The following TMEM26 variants were observed in gnomAD, a reference collection of about 807,000 sequenced individuals.
The protein encoded by TMEM26 is transmembrane protein 26.
In TMEM26, 38 loss-of-function variants were observed where a neutral mutation model predicts 28.8. That is an observed-to-expected ratio of 1.32 (90% CI 1.02 to 1.73). TMEM26 has a LOEUF of 1.73. TMEM26 is among the 40% of genes most tolerant of loss of function. The pLI, the probability that TMEM26 is intolerant of heterozygous loss-of-function variation, is 0.00. For missense variants in TMEM26, 518 were observed against 447.1 expected, an observed-to-expected ratio of 1.16 and a Z score of -1.43; for synonymous variants, 227 against 182.9, an observed-to-expected ratio of 1.24 and a Z score of -1.95.
chr10:61,447,196 A>G (rs1321235028), intron 1 of TMEM26, among the ~76,000 whole-genome samples: 1 of 152,208 alleles, frequency 6.6e-6, no homozygotes, highest in Non-Finnish European at 1.5e-5. Flanking sequence ...TCTGGGGTCC[A>G]AAAACATTGG....
intron 1 of TMEM26, among the ~76,000 whole-genome samples, chr10:61,442,634 G>A (rs1367773874): frequency 2.6e-5 from 4 of 152,150 alleles, no homozygotes; most frequent in East Asian, 1.9e-4. Flanking sequence ...CATGTTAAGT[G>A]AGATTTTGCA....
intron 2 of TMEM26, among the ~76,000 whole-genome samples, chr10:61,435,554 A>G (rs956956484): frequency 6.6e-6 from 1 of 152,192 alleles, no homozygotes; most frequent in Non-Finnish European, 1.5e-5. Flanking sequence ...GGTGGGTCCC[A>G]CGACTCCTCC....
At chr10:61,417,412 G>T (rs1211731970) in intron 4 of TMEM26, among the ~76,000 whole-genome samples, 1 of 150,150 alleles carries the variant, frequency 6.7e-6, no homozygotes, top group Non-Finnish European at 1.5e-5. Flanking sequence ...TTTGTTTTTG[G>T]AAGTGTAAAT....
chr10:61,418,845 C>T (rs1421635417), intron 4 of TMEM26, among the ~76,000 whole-genome samples: 1 of 152,056 alleles, frequency 6.6e-6, no homozygotes, highest in Admixed American at 6.6e-5. Flanking sequence ...AAACTGCAGG[C>T]ATGTTCAGGG....
chr10:61,425,414 C>T (rs891988085), intron 4 of TMEM26, among the ~76,000 whole-genome samples: 2 of 151,858 alleles, frequency 1.3e-5, no homozygotes, highest in East Asian at 1.9e-4. Context: ...AGATATGACA[C>T]CAAAAATGTG....
intron 4 of TMEM26, among the ~76,000 whole-genome samples, chr10:61,426,291 G>A (rs184044448): frequency 3.9e-5 from 6 of 152,206 alleles, no homozygotes; most frequent in African/African-American, 1.4e-4. Flanking sequence ...ACTGCAAACT[G>A]CCACAGGAAT....
intron 4 of TMEM26, chr10:61,413,815 A>G: frequency 3.8e-6 from 4 of 1,056,730 alleles, no homozygotes; most frequent in Non-Finnish European, 4.6e-6. Context: ...AATTATGGAA[A>G]CATTATGGGA....
rs1839517745 is a variant in TMEM26, at chr10:61,408,059, C to T, written c.*2263G>A. 6.6e-6 allele frequency: 1 copy of T among 152,144 alleles called. No individual in the cohort carries two copies. The highest frequency in any genetic ancestry group is 2.4e-5 in the African/African-American group (1 of 41,444). The allele number at this position is 152,144 out of a possible 1,614,324, so 9.4% of individuals were successfully genotyped here. ...GGTTTAGAGCTTTTATTCAAATAAA[C>T]TAAGCAAATGCATATTTTTTTTTCC... is the stretch of plus-strand genomic sequence containing the variant. On this transcript the variant is annotated 3_prime_UTR_variant, in exon 6 of 6. Transcript: ENST00000399298.
At chr10:61,413,991 T>TC in intron 4 of TMEM26, 5 of 987,148 alleles carry the variant, frequency 5.1e-6, no homozygotes, top group Non-Finnish European at 6.0e-6. Flanking sequence ...AACTCAACAT[T>TC]GAAATAAAAT....
At chr10:61,437,957 G>A (rs1288332325) in intron 1 of TMEM26, among the ~76,000 whole-genome samples, 1 of 152,032 alleles carries the variant, frequency 6.6e-6, no homozygotes, top group East Asian at 1.9e-4. Flanking sequence ...TCAACAAATA[G>A]AATTGTTCGA....
intron 3 of TMEM26, 102 bp from the exon 4 acceptor site, chr10:61,429,248 A>G: frequency 1.1e-6 from 1 of 898,388 alleles, no homozygotes; most frequent in East Asian, 2.6e-5. Context: ...TTTTGTAGAG[A>G]GTAATTTTCA....
chr10:61,436,067 A>G (rs966091857), intron 2 of TMEM26, 103 bp downstream of exon 2: 28 of 563,246 alleles, frequency 5.0e-5, no homozygotes, highest in Non-Finnish European at 7.7e-5. Context: ...ATTCTTGCTA[A>G]CTCCAGTACC....
rs10994756 is a variant in TMEM26 at position 61,413,547 on chromosome 10, A to G, written c.606-12T>C. 0.031 allele frequency: 49,599 copies of G among 1,583,594 alleles called. 958 individuals carry two copies. The highest frequency in any genetic ancestry group is 0.037 in the Non-Finnish European group (43,367 of 1,168,590). The stretch of plus-strand genomic sequence containing the variant: ...GTGCAGGACTATTCCTAGAATACAG[A>G]CAAAATGTTAAATTTGTAATAAAAA... On this transcript the variant is annotated splice_polypyrimidine_tract_variant and intron_variant, in intron 4 of 5. Transcript: ENST00000399298.
rs187816725 is a variant in TMEM26 at position 61,431,254 on chromosome 10, C to T, written c.349G>A (p.Glu117Lys). 1.2e-5 allele frequency: 20 copies of T among 1,613,108 alleles called. No individual in the cohort carries two copies. In the Admixed American group the frequency reaches 3.2e-4, roughly 26 times the overall value. ...AGATCATCAGCTCTACTGGTTTGTT[C>T]ATTGGATGTCAATGTTTGATTGAAG... Reference protein sequence around the residue: ...EDFNQTLTSNEQTSRADDLIE... With the variant: ...EDFNQTLTSNKQTSRADDLIE... Residue 117 changes from glutamate (E) to lysine (K), a missense_variant, in exon 3 of 6, where the codon GAA becomes AAA. By Grantham distance (56) the Glu-to-Lys change is moderately conservative. Coordinates refer to ENST00000399298, the MANE Select transcript of TMEM26 (RefSeq NM_178505.8).
rs1359119240 is a variant in TMEM26 at position 61,409,913 on chromosome 10, G to C, written c.*409C>G. 1 of 176,940 alleles carries C rather than the reference G, an allele frequency of 5.7e-6. No individual in the cohort carries two copies. The highest frequency in any genetic ancestry group is 2.4e-5 in the African/African-American group (1 of 41,802). The allele number at this position is 176,940 out of a possible 1,614,324, so 11.0% of individuals were successfully genotyped here. A position where few individuals can be genotyped will look rare whatever the true frequency, so the allele number is the denominator to read the frequency against. On this transcript the variant is annotated 3_prime_UTR_variant, in exon 6 of 6. Transcript: ENST00000399298. ...GAATGTACATTTTTTGATGTCAGAGGAACATTGCAGAAAAGATCAGACGAA... is the reference window on the plus strand; with the variant it reads ...GAATGTACATTTTTTGATGTCAGAGCAACATTGCAGAAAAGATCAGACGAA...
rs748956351 is a variant in TMEM26 at position 61,453,113 on chromosome 10, G to C, written c.-32C>G. 6.9e-6 allele frequency: 11 copies of C among 1,599,622 alleles called. 1 individual carries two copies. The South Asian group carries it at 1.2e-4, about 18-fold the overall frequency. On this transcript the variant is annotated 5_prime_UTR_variant, in exon 1 of 6. Coordinates refer to ENST00000399298, the MANE Select transcript of TMEM26 (RefSeq NM_178505.8). Reference sequence around the variant, plus strand: ...CGGAGCACTCTGCCTACGTCCCCTTGCCTGCGCCCCCAGGACCCTGCCGGG... The same window carrying C: ...CGGAGCACTCTGCCTACGTCCCCTTCCCTGCGCCCCCAGGACCCTGCCGGG...
intron 1 of TMEM26, among the ~76,000 whole-genome samples, chr10:61,436,883 C>T (rs562476519): frequency 2.0e-5 from 3 of 152,152 alleles, no homozygotes; most frequent in East Asian, 1.9e-4. Flanking sequence ...GAAAGGAATC[C>T]GAAGAGTGGA....
At chr10:61,447,088 G>C (rs1840197078) in intron 1 of TMEM26, among the ~76,000 whole-genome samples, 1 of 152,164 alleles carries the variant, frequency 6.6e-6, no homozygotes, top group African/African-American at 2.4e-5. Flanking sequence ...AGTGTGAAGA[G>C]GGAGAGAAAT....
At chr10:61,422,284 GAAC>G (rs1839762240) in intron 4 of TMEM26, among the ~76,000 whole-genome samples, 1 of 152,004 alleles carries the variant, frequency 6.6e-6, no homozygotes, top group African/African-American at 2.4e-5. Flanking sequence ...CAGAAGACTT[GAAC>G]AACACTATCA....
Sources: allele counts gnomAD v4.1 joint callset (sites outside exome capture counted in the v4.1 genomes callset), GRCh38; gene constraint gnomAD v4.1.1; transcripts MANE v1.5; gene names NCBI Gene and HGNC (gene_info 2026-07-23, HGNC 2026-07-21).